The following RNF180 variants were observed in gnomAD, a reference collection of about 807,000 sequenced individuals.
The protein encoded by RNF180 is ring finger protein 180, also known as E3 ubiquitin-protein ligase RNF180.
A neutral mutation model predicts 59.2 loss-of-function variants in RNF180; 38 were observed. The ratio of observed to expected loss-of-function variants is 0.64; its 90% CI spans 0.50 to 0.84. RNF180 has a LOEUF of 0.84. Among genes scored for constraint, RNF180 ranks in the 40% least tolerant of loss-of-function variants. The pLI is 0.00. For synonymous variants in RNF180, 262 were observed against 240.3 expected (o/e 1.09, Z -0.84); for missense variants, 705 against 700.9 (o/e 1.01, Z -0.07).
chr5:64,299,977 A>G (rs1222823837), intron 5 of RNF180, among the ~76,000 whole-genome samples: 1 of 151,714 alleles, frequency 6.6e-6, no homozygotes, highest in Non-Finnish European at 1.5e-5. Context: ...GGTGGTATGT[A>G]CACTCCCTGC....
At chr5:64,258,035 T>C (rs1328988962) in intron 5 of RNF180, among the ~76,000 whole-genome samples, 1 of 152,168 alleles carries the variant, frequency 6.6e-6, no homozygotes. Context: ...AAACTTTGCA[T>C]GGGAAAGGCA....
chr5:64,205,659 T>A (rs1365475852), intron 2 of RNF180, among the ~76,000 whole-genome samples: 1 of 152,138 alleles, frequency 6.6e-6, no homozygotes, highest in Non-Finnish European at 1.5e-5. Flanking sequence ...ATCATCAGCA[T>A]ATAAGTTTTA....
intron 5 of RNF180, among the ~76,000 whole-genome samples, chr5:64,263,326 A>G (rs562404495): frequency 1.0e-3 from 155 of 152,294 alleles, no homozygotes; most frequent in African/African-American, 3.7e-3. Flanking sequence ...GCCGGTCTCC[A>G]TGGTGTAAAT....
rs115210319 is a variant in RNF180 at position 64,235,838 on chromosome 5, C to T, written c.1227+18442C>T. Among the ~76,000 whole-genome samples the T allele has an allele frequency of 8.5e-4, 129 of 152,288 alleles. 1 individual carries two copies. The highest frequency in any genetic ancestry group is 3.0e-3 in the African/African-American group (124 of 41,542). On this transcript the variant is annotated intron_variant, in intron 5 of 7. Transcript: ENST00000389100. The stretch of plus-strand genomic sequence containing the variant: ...TTCTTTCTCCTGTCACCATGTAAGA[C>T]ATGCCTTACTTCCCCTTTACCTTCC...
intron 5 of RNF180, among the ~76,000 whole-genome samples, chr5:64,253,200 A>G (rs1346181982): frequency 1.3e-5 from 2 of 152,154 alleles, no homozygotes; most frequent in Middle Eastern, 3.2e-3. Context: ...TGAAATTCAC[A>G]CTTGCTAGAC....
intron 2 of RNF180, among the ~76,000 whole-genome samples, chr5:64,209,177 T>C (rs1752178734): frequency 6.6e-6 from 1 of 152,012 alleles, no homozygotes; most frequent in Non-Finnish European, 1.5e-5. Flanking sequence ...ACGGTGCCTG[T>C]GCATAGTGAG....
At chr5:64,239,874 A>G (rs6449703) in intron 5 of RNF180, among the ~76,000 whole-genome samples, 43,412 of 152,024 alleles carry the variant, frequency 0.29, 6,430 homozygotes, top group African/African-American at 0.35. Flanking sequence ...TGGCATTACA[A>G]TTGTTTGCTA....
intron 7 of RNF180, among the ~76,000 whole-genome samples, chr5:64,355,681 A>C (rs932782356): frequency 6.6e-6 from 1 of 151,996 alleles, no homozygotes; most frequent in African/African-American, 2.4e-5. Context: ...ACAGTGTAGT[A>C]CTGCCATAAG....
At chr5:64,224,203 T>C (rs1225262167) in intron 5 of RNF180, among the ~76,000 whole-genome samples, 1 of 151,920 alleles carries the variant, frequency 6.6e-6, no homozygotes, top group Non-Finnish European at 1.5e-5. Flanking sequence ...CTTGAGTTGA[T>C]AGAGTCCTTG....
intron 7 of RNF180, among the ~76,000 whole-genome samples, chr5:64,364,883 T>A (rs1746388875): frequency 6.6e-6 from 1 of 151,732 alleles, no homozygotes; most frequent in Non-Finnish European, 1.5e-5. Flanking sequence ...TCTCTAATGG[T>A]TACTTGTATT....
At chr5:64,330,099 C>T (rs1744833890) in intron 6 of RNF180, among the ~76,000 whole-genome samples, 182 bp from the exon 7 acceptor site, 1 of 152,086 alleles carries the variant, frequency 6.6e-6, no homozygotes, top group Non-Finnish European at 1.5e-5. Flanking sequence ...CAAATGTGAA[C>T]TTGAGGAAGT....
At chr5:64,178,266 C>T (rs1379145371) in intron 1 of RNF180, among the ~76,000 whole-genome samples, 1 of 150,424 alleles carries the variant, frequency 6.6e-6, no homozygotes, top group Non-Finnish European at 1.5e-5. Context: ...TATGATCTGA[C>T]AGGGGAGCAC....
intron 5 of RNF180, among the ~76,000 whole-genome samples, chr5:64,271,769 G>GAAAC (rs3069596): frequency 0.32 from 49,136 of 151,576 alleles, 8,626 homozygotes; most frequent in East Asian, 0.64. Context: ...TTTATTTAAA[G>GAAAC]AAACAATTAG....
At chr5:64,305,147 C>G (rs767366097) in intron 5 of RNF180, among the ~76,000 whole-genome samples, 2 of 151,698 alleles carry the variant, frequency 1.3e-5, no homozygotes, top group Non-Finnish European at 3.0e-5. Flanking sequence ...ACTGGGAAAC[C>G]AAACAATGTG....
chr5:64,201,029 C>G (rs1751715943), intron 2 of RNF180, 87 bp downstream of exon 2: 2 of 973,286 alleles, frequency 2.1e-6, no homozygotes, highest in Non-Finnish European at 3.0e-6. Flanking sequence ...TTCTTCTCTA[C>G]CTTATTAAGA....
intron 4 of RNF180, among the ~76,000 whole-genome samples, chr5:64,215,401 A>G (rs1752564593): frequency 6.6e-6 from 1 of 152,210 alleles, no homozygotes; most frequent in Non-Finnish European, 1.5e-5. Context: ...TGAACTCATT[A>G]TGGCTTATTC....
At chr5:64,345,824 A>C (rs1250057357) in intron 7 of RNF180, among the ~76,000 whole-genome samples, 2 of 152,202 alleles carry the variant, frequency 1.3e-5, no homozygotes, top group Non-Finnish European at 2.9e-5. Flanking sequence ...AATACATGTA[A>C]ATCTTACAAA....
chr5:64,358,904 G>A (rs1746133515), intron 7 of RNF180, among the ~76,000 whole-genome samples: 1 of 151,320 alleles, frequency 6.6e-6, no homozygotes, highest in Non-Finnish European at 1.5e-5. Flanking sequence ...TTGTTCTTGT[G>A]ATAGTTTACT....
chr5:64,217,040 A>G (rs573174860), intron 4 of RNF180, among the ~76,000 whole-genome samples: 65 of 152,254 alleles, frequency 4.3e-4, no homozygotes, highest in African/African-American at 1.3e-3. Context: ...TGTGTTCTCC[A>G]TTATTTTAGT....
Sources: gnomAD v4.1 joint callset for allele counts (sites outside exome capture counted in the v4.1 genomes callset) on GRCh38, gnomAD v4.1.1 for gene constraint, MANE v1.5 for transcripts, NCBI Gene and HGNC (gene_info 2026-07-23, HGNC 2026-07-21) for gene names.